EYA2: variants seen among roughly 807,000 people sequenced by gnomAD.
EYA2 encodes the protein protein phosphatase EYA2.
EYA2 carries 31 observed loss-of-function variants against 69.2 expected under a neutral mutation model. That is an observed-to-expected ratio of 0.45 (90% CI 0.34 to 0.60). The LOEUF (loss-of-function observed/expected upper bound fraction) is 0.60, where lower values mean the gene tolerates loss of function less well. Among genes scored for constraint, EYA2 ranks in the 20% least tolerant of loss-of-function variants. EYA2 has a pLI of 0.02. For missense variants in EYA2, 622 were observed against 701.2 expected (o/e 0.89, Z 1.28); for synonymous variants, 257 against 279.4 (o/e 0.92, Z 0.80).
chr20:47,174,906 T>G (rs1568827843), intron 12 of EYA2, among the ~76,000 whole-genome samples: 1 of 152,190 alleles, frequency 6.6e-6, no homozygotes, highest in Non-Finnish European at 1.5e-5. Flanking sequence ...GTGTGTTGAT[T>G]GCAGGAGTGA....
chr20:47,018,622 C>G (rs549148817), intron 5 of EYA2, among the ~76,000 whole-genome samples: 1 of 152,174 alleles, frequency 6.6e-6, no homozygotes, highest in South Asian at 2.1e-4. Context: ...GCAGCGGGAA[C>G]GCAAGAGCAA....
At chr20:46,899,899 C>G (rs1181815029) in intron 1 of EYA2, among the ~76,000 whole-genome samples, 1 of 152,212 alleles carries the variant, frequency 6.6e-6, no homozygotes, top group Non-Finnish European at 1.5e-5. Flanking sequence ...AAAAGTCTGC[C>G]TCTGCCTTCA....
At chr20:47,084,839 T>C (rs1370955369) in intron 7 of EYA2, among the ~76,000 whole-genome samples, 25 of 149,278 alleles carry the variant, frequency 1.7e-4, no homozygotes, top group East Asian at 3.9e-4. Context: ...TCTTTCTTTT[T>C]TTTTTTTTTT....
At chr20:46,895,772 A>G (rs1269002967) in intron 1 of EYA2, among the ~76,000 whole-genome samples, 2 of 152,172 alleles carry the variant, frequency 1.3e-5, no homozygotes, top group Non-Finnish European at 2.9e-5. Context: ...AGCAATAAAT[A>G]GTTTATAAGC....
intron 9 of EYA2, among the ~76,000 whole-genome samples, chr20:47,121,553 T>A (rs1465832841): frequency 6.6e-6 from 1 of 152,138 alleles, no homozygotes; most frequent in Non-Finnish European, 1.5e-5. Flanking sequence ...TTTCAGTTTG[T>A]AGCATATAAT....
At chr20:47,024,005 A>G (rs1983935699) in intron 5 of EYA2, among the ~76,000 whole-genome samples, 1 of 152,150 alleles carries the variant, frequency 6.6e-6, no homozygotes, top group Admixed American at 6.5e-5. Context: ...TCTTGAACAG[A>G]TAGAATCCAG....
chr20:47,068,116 C>T (rs943772187), intron 5 of EYA2, among the ~76,000 whole-genome samples: 1 of 152,188 alleles, frequency 6.6e-6, no homozygotes, highest in African/African-American at 2.4e-5. Context: ...ATTCCTAAGC[C>T]TCAGTTTCTC....
intron 5 of EYA2, among the ~76,000 whole-genome samples, chr20:47,016,646 T>C (rs1983430934): frequency 6.6e-6 from 1 of 152,146 alleles, no homozygotes; most frequent in Non-Finnish European, 1.5e-5. Flanking sequence ...TTTGAAGAGA[T>C]GACATTGGGC....
chr20:46,905,349 A>G (rs1984301813), intron 1 of EYA2, among the ~76,000 whole-genome samples: 1 of 152,198 alleles, frequency 6.6e-6, no homozygotes, highest in African/African-American at 2.4e-5. Context: ...CCCTCCTGGA[A>G]CAAGGTCACA....
chr20:46,959,381 T>G (rs1979330489), intron 1 of EYA2, among the ~76,000 whole-genome samples: 1 of 152,214 alleles, frequency 6.6e-6, no homozygotes, highest in Non-Finnish European at 1.5e-5. Flanking sequence ...AGCATTAGTT[T>G]AGCAGTATCC....
At chr20:47,032,980 T>C (rs1364226042) in intron 5 of EYA2, among the ~76,000 whole-genome samples, 1 of 152,118 alleles carries the variant, frequency 6.6e-6, no homozygotes. Context: ...AGGGCCCCCT[T>C]CCAATTCCCG....
At chr20:47,126,816 G>T (rs777829142) in intron 9 of EYA2, among the ~76,000 whole-genome samples, 1 of 152,182 alleles carries the variant, frequency 6.6e-6, no homozygotes, top group South Asian at 2.1e-4. Flanking sequence ...CTGGGTAGGC[G>T]TGCTACTGAA....
intron 2 of EYA2, among the ~76,000 whole-genome samples, chr20:46,994,953 C>T (rs963752950): frequency 1.3e-5 from 2 of 151,568 alleles, no homozygotes; most frequent in South Asian, 2.1e-4. Context: ...CAGGCTGGAG[C>T]GCAGTGGCAC....
At chr20:46,963,425 C>G (rs1979594767) in intron 1 of EYA2, among the ~76,000 whole-genome samples, 3 of 152,358 alleles carry the variant, frequency 2.0e-5, no homozygotes, top group South Asian at 2.1e-4. Flanking sequence ...CCTGGGGACA[C>G]AGCAGCAGAC....
chr20:47,022,057 G>A (rs1045385101), intron 5 of EYA2, among the ~76,000 whole-genome samples: 6 of 152,174 alleles, frequency 3.9e-5, no homozygotes, highest in African/African-American at 1.4e-4. Context: ...ATGCCACAAA[G>A]TTAAAATAGA....
At chr20:47,089,625 A>G (rs1424441678) in intron 8 of EYA2, among the ~76,000 whole-genome samples, 7 of 152,226 alleles carry the variant, frequency 4.6e-5, no homozygotes, top group Admixed American at 2.0e-4. Flanking sequence ...TTTTGAAATC[A>G]GGGATTGCTG....
At chr20:47,016,806 A>G (rs1211802570) in intron 5 of EYA2, among the ~76,000 whole-genome samples, 2 of 152,230 alleles carry the variant, frequency 1.3e-5, no homozygotes, top group African/African-American at 4.8e-5. Flanking sequence ...ACTGGAGCAA[A>G]GTCAGAAGGC....
chr20:46,922,906 C>T (rs920390715), intron 1 of EYA2, among the ~76,000 whole-genome samples: 3 of 152,030 alleles, frequency 2.0e-5, no homozygotes, highest in Non-Finnish European at 2.9e-5. Context: ...ACAGGATGTC[C>T]GGAGAAGGAC....
Position 47,079,482 on chromosome 20 carries a change from A to G in EYA2, c.661+5147A>G, listed in dbSNP as rs377543262. ...CTTACATTGTCTCATCTCCTTCTCT[A>G]ACTCCTGCCCCCGACCCCTTATAAG... On this transcript the variant is annotated intron_variant, in intron 7 of 15. Coordinates refer to ENST00000327619, the MANE Select transcript of EYA2 (RefSeq NM_005244.5). Among the ~76,000 whole-genome samples, 150 of 152,126 alleles carry G rather than the reference A, an allele frequency of 9.9e-4. 4 individuals carry two copies. In the South Asian group the frequency reaches 0.03, roughly 30 times the overall value.
Sources: allele counts gnomAD v4.1 joint callset (sites outside exome capture counted in the v4.1 genomes callset), GRCh38; gene constraint gnomAD v4.1.1; transcripts MANE v1.5; gene names NCBI Gene and HGNC (gene_info 2026-07-23, HGNC 2026-07-21).